ATP11B: variants seen among roughly 807,000 people sequenced by gnomAD.
ATP11B encodes the protein ATPase phospholipid transporting 11B (putative), also known as phospholipid-transporting ATPase IF.
A neutral mutation model predicts 157.8 loss-of-function variants in ATP11B; 81 were observed. The observed-to-expected ratio is 0.51, with a 90% CI of 0.43 to 0.62. The LOEUF (loss-of-function observed/expected upper bound fraction) is 0.62. ATP11B is among the 20% of genes least tolerant of loss of function. ATP11B has a pLI of 0.00. For missense variants in ATP11B, 1,165 were observed against 1,402.2 expected, an observed-to-expected ratio of 0.83 and a Z score of 2.70; for synonymous variants, 451 against 469.4, an observed-to-expected ratio of 0.96 and a Z score of 0.51.
intron 2 of ATP11B, 22 bp downstream of exon 2, chr3:182,820,398 G>T: frequency 6.7e-7 from 1 of 1,497,822 alleles, no homozygotes; most frequent in Non-Finnish European, 9.3e-7. Flanking sequence ...AATTTTTATT[G>T]TTAGGCCAGG....
In ATP11B at chr3:182,919,156, A is replaced by T. The variant is rs1313850291; in HGVS notation, c.*1052A>T. On this transcript the variant is annotated 3_prime_UTR_variant, in exon 30 of 30. Coordinates refer to ENST00000323116, the MANE Select transcript of ATP11B (RefSeq NM_014616.3). ...GCCTCTTTCTGCAGCCGACTTAGAC[A>T]TGCTCTTCCCTTTCTATAAGCTAGA... 1 of 152,564 alleles carries T rather than the reference A, an allele frequency of 6.6e-6. No individual in the cohort carries two copies. The highest frequency in any genetic ancestry group is 6.5e-5 in the Admixed American group (1 of 15,278). The allele number at this position is 152,564 out of a possible 1,614,324, so 9.5% of individuals were successfully genotyped here.
intron 17 of ATP11B, among the ~76,000 whole-genome samples, chr3:182,871,751 G>T (rs1721673890): frequency 6.6e-6 from 1 of 151,896 alleles, no homozygotes; most frequent in Non-Finnish European, 1.5e-5. Context: ...CCACTAATAG[G>T]ATAGTCTTTA....
chr3:182,877,034 T>C (rs1306720588), intron 19 of ATP11B, among the ~76,000 whole-genome samples: 1 of 152,234 alleles, frequency 6.6e-6, no homozygotes, highest in Admixed American at 6.5e-5. Context: ...CTTTAGTATA[T>C]ATATCCATTC....
chr3:182,857,906 CT>C lies in ATP11B; in HGVS notation c.881del (p.Leu294GlnfsTer2). On this transcript the variant is annotated frameshift_variant, in exon 11 of 30. Transcript: ENST00000323116. LOFTEE classifies it high-confidence loss of function. Reference sequence around the variant, plus strand: ...AATGAATACATTTTTGATAATTTATCTAGTAATTCTTATATCTGAAGCTGTC... The same window carrying C: ...AATGAATACATTTTTGATAATTTATCAGTAATTCTTATATCTGAAGCTGTC... ...KSMNTFLIIY[L>X]VILISEAVIS... 6.5e-7 allele frequency: 1 copy of C among 1,544,566 alleles called. No homozygotes were observed. The highest frequency in any genetic ancestry group is 8.9e-7 in the Non-Finnish European group (1 of 1,120,434).
intron 4 of ATP11B, among the ~76,000 whole-genome samples, chr3:182,832,026 T>C (rs1351960528): frequency 6.6e-6 from 1 of 152,188 alleles, no homozygotes; most frequent in Non-Finnish European, 1.5e-5. Flanking sequence ...TTGCAATACC[T>C]CTTGTCCTTA....
intron 2 of ATP11B, among the ~76,000 whole-genome samples, chr3:182,820,934 C>T (rs1456597385): frequency 1.3e-5 from 2 of 152,216 alleles, no homozygotes; most frequent in Middle Eastern, 3.4e-3. Flanking sequence ...TTAAGTACTT[C>T]TCATATCATT....
chr3:182,837,428 G>T (rs1295661391), intron 7 of ATP11B, among the ~76,000 whole-genome samples: 1 of 152,014 alleles, frequency 6.6e-6, no homozygotes. Flanking sequence ...CTATGAACTA[G>T]CATGCTCACT....
At chr3:182,916,744 T>C in intron 29 of ATP11B, 3 of 984,608 alleles carry the variant, frequency 3.0e-6, no homozygotes, top group Non-Finnish European at 3.6e-6. Context: ...AAGGAGACTT[T>C]ACCTAATAAG....
chr3:182,890,063 A>G (rs1309406589), intron 25 of ATP11B, among the ~76,000 whole-genome samples: 2 of 152,250 alleles, frequency 1.3e-5, no homozygotes, highest in Admixed American at 6.5e-5. Flanking sequence ...AATTCTAAAT[A>G]GATGTCATAA....
Position 182,897,292 on chromosome 3 carries a change from C to T in ATP11B, c.3049-11C>T. The T allele has an allele frequency of 1.3e-6, 2 of 1,516,212 alleles. No individual in the cohort carries two copies. Among genetic ancestry groups the T allele is most frequent in the Non-Finnish European group, 1.8e-6 (2 of 1,132,458 alleles). 93.9% of individuals were successfully genotyped at this position (1,516,212 alleles called of 1,614,324 possible). A position where few individuals can be genotyped will look rare whatever the true frequency, so the allele number is the denominator to read the frequency against. On this transcript the variant is annotated splice_polypyrimidine_tract_variant and intron_variant, in intron 26 of 29. Coordinates refer to ENST00000323116, the MANE Select transcript of ATP11B (RefSeq NM_014616.3). ...GTTTATATTTCTAAGGATATAAAAA[C>T]TTTTTTTTAGATGGCTCTGGAAACT...
At chr3:182,869,364 T>G in intron 17 of ATP11B, 33 bp downstream of exon 17, 1 of 1,293,774 alleles carries the variant, frequency 7.7e-7, no homozygotes, top group South Asian at 1.4e-5. Context: ...TAAAAAACTC[T>G]AAAAGATATA....
At chr3:182,848,884 C>G (rs1013002592) in intron 10 of ATP11B, among the ~76,000 whole-genome samples, 1 of 152,046 alleles carries the variant, frequency 6.6e-6, no homozygotes, top group East Asian at 1.9e-4. Flanking sequence ...AAACCAGAAT[C>G]GAATAGAAAT....
chr3:182,810,788 C>T (rs1716616359), intron 1 of ATP11B, among the ~76,000 whole-genome samples: 1 of 152,146 alleles, frequency 6.6e-6, no homozygotes, highest in Non-Finnish European at 1.5e-5. Context: ...ATAAGCAGCA[C>T]CTTCTAACTT....
At chr3:182,822,300 A>T (rs1717412809) in intron 2 of ATP11B, among the ~76,000 whole-genome samples, 1 of 151,884 alleles carries the variant, frequency 6.6e-6, no homozygotes, top group South Asian at 2.1e-4. Flanking sequence ...CCAGTGTGTG[A>T]TATTCCCCAT....
Position 182,842,078 on chromosome 3 carries a change from C to G in ATP11B, c.660C>G (p.Phe220Leu). 2.5e-6 allele frequency: 4 copies of G among 1,592,904 alleles called. No homozygotes were observed. The highest frequency in any genetic ancestry group is 3.4e-6 in the Non-Finnish European group (4 of 1,165,180). The change falls in exon 8 of 30, where the codon TTC becomes TTG. Residue 220 changes from phenylalanine (F) to leucine (L), a missense_variant. By Grantham distance (22) the Phe-to-Leu change is conservative. This residue lies in a region of ATP11B where 737 missense variants were observed against 930.5 expected (regional missense o/e 0.79). Transcript: ENST00000323116. ...CQQPEADLYR[F>L]MGRMIITQQM... Reference sequence around the variant, plus strand: ...TGTAATGTGAATTTTTTGATAGATTCATGGGACGAATGATCATAACCCAAC... The same window carrying G: ...TGTAATGTGAATTTTTTGATAGATTGATGGGACGAATGATCATAACCCAAC...
chr3:182,917,619 G>A (rs549621075), intron 29 of ATP11B: 1 of 985,264 alleles, frequency 1.0e-6, no homozygotes, highest in South Asian at 4.7e-5. Context: ...ACATACTACT[G>A]TTTCATTCCA....
chr3:182,819,425 T>C (rs1266134438), intron 1 of ATP11B, among the ~76,000 whole-genome samples: 3 of 152,174 alleles, frequency 2.0e-5, no homozygotes, highest in African/African-American at 7.2e-5. Flanking sequence ...TAAAGTGTCT[T>C]GAAGGTTCAC....
chr3:182,899,470 T>C (rs558758528), intron 28 of ATP11B, among the ~76,000 whole-genome samples: 35 of 152,122 alleles, frequency 2.3e-4, no homozygotes, highest in Admixed American at 1.3e-4. Flanking sequence ...TTTTTCTGAT[T>C]ATATTATTTT....
chr3:182,893,108 C>T (rs1723282764), intron 25 of ATP11B, among the ~76,000 whole-genome samples: 1 of 152,086 alleles, frequency 6.6e-6, no homozygotes. Flanking sequence ...TATTGTCTTA[C>T]CATGGACATT....
Sources: allele counts gnomAD v4.1 joint callset (sites outside exome capture counted in the v4.1 genomes callset), GRCh38; gene constraint gnomAD v4.1.1; regional missense constraint gnomAD v4.1.1; transcripts MANE v1.5; gene names NCBI Gene and HGNC (gene_info 2026-07-23, HGNC 2026-07-21).